The following DENND5A variants were observed in gnomAD, a reference collection of about 807,000 sequenced individuals.
DENND5A encodes the protein DENN domain containing 5A, also known as DENN domain-containing protein 5A.
Under a neutral mutation model 140.3 loss-of-function variants are expected in DENND5A, and 64 were observed. The observed-to-expected ratio is 0.46, with a 90% CI of 0.37 to 0.56. The LOEUF (loss-of-function observed/expected upper bound fraction) is 0.56. DENND5A is among the 20% of genes least tolerant of loss of function. DENND5A has a pLI of 0.00. For missense variants in DENND5A, 1,292 were observed against 1,593.8 expected, an observed-to-expected ratio of 0.81 and a Z score of 3.22; for synonymous variants, 605 against 607.7, an observed-to-expected ratio of 1.00 and a Z score of 0.07.
At position 9,165,132 on chromosome 11, in the gene DENND5A, T is replaced by C. The variant is rs1004007932; in HGVS notation, c.2283+704A>G. ...CTCCTGCCTCAGTCTCCCAAGTAGCTGGGATTACAGGTGCATGCCACCACG... is the reference window on the plus strand; with the variant it reads ...CTCCTGCCTCAGTCTCCCAAGTAGCCGGGATTACAGGTGCATGCCACCACG... On this transcript the variant is annotated intron_variant, in intron 11 of 22. Transcript: ENST00000328194. Among the ~76,000 whole-genome samples the C allele has an allele frequency of 5.3e-5, 8 of 152,044 alleles. No individual in the cohort carries two copies. In the East Asian group the frequency reaches 1.5e-3, roughly 29 times the overall value.
chr11:9,224,372 C>T (rs556851745), intron 1 of DENND5A, among the ~76,000 whole-genome samples: 1 of 152,306 alleles, frequency 6.6e-6, no homozygotes, highest in South Asian at 2.1e-4. Flanking sequence ...GCATATAAGG[C>T]ACCTGCCAAC....
At chr11:9,152,702 T>G (rs1275281722) in intron 12 of DENND5A, among the ~76,000 whole-genome samples, 7 of 151,532 alleles carry the variant, frequency 4.6e-5, no homozygotes, top group African/African-American at 1.7e-4. Context: ...AAGGGACCAG[T>G]GGATAAGAAA....
intron 12 of DENND5A, among the ~76,000 whole-genome samples, chr11:9,153,824 T>G (rs1219761972): frequency 6.6e-6 from 1 of 152,250 alleles, no homozygotes; most frequent in Non-Finnish European, 1.5e-5. Context: ...CCATTTGAGA[T>G]ATGTAGCAAT....
Position 9,180,959 on chromosome 11 carries a change from G to C in DENND5A, c.1263C>G (p.Pro421=). 1 of 1,614,126 alleles carries C rather than the reference G, an allele frequency of 6.2e-7. No individual in the cohort carries two copies. Among genetic ancestry groups the C allele is most frequent in the East Asian group, 2.2e-5 (1 of 44,868 alleles). ...CACTGCAATGAAGATTCCCTTCAGG[G>C]GGAATTCCAAATGCCATGAGAATCT... ...VSEILMAFGI[P]PEGNLHCSES... Residue 421 remains proline, a synonymous_variant, in exon 6 of 23, where the codon CCC becomes CCG. Coordinates refer to ENST00000328194, the MANE Select transcript of DENND5A (RefSeq NM_015213.4).
rs570886509 is a variant in DENND5A, at chr11:9,189,611, T to G, written c.1137+3883A>C. On this transcript the variant is annotated intron_variant, in intron 5 of 22. Coordinates refer to ENST00000328194, the MANE Select transcript of DENND5A (RefSeq NM_015213.4). ...GAACCCACCTCTTTTTTTGTTGCTG[T>G]TGTTTGGTTTTTTTTTTTTGGTTTT... Among the ~76,000 whole-genome samples, 402 of 145,048 alleles carry G rather than the reference T, an allele frequency of 2.8e-3. 1 individual carries two copies. Among genetic ancestry groups the G allele is most frequent in the African/African-American group, 9.8e-3 (390 of 39,906 alleles).
intron 20 of DENND5A, 186 bp downstream of exon 20, chr11:9,143,217 C>T (rs1590202203): frequency 9.1e-6 from 6 of 661,258 alleles, no homozygotes; most frequent in East Asian, 2.6e-5. Context: ...AACAGGGTAA[C>T]CTGAGGCAAA....
At chr11:9,233,398 C>CAAA (rs1001576602) in intron 1 of DENND5A, among the ~76,000 whole-genome samples, 3 of 54,048 alleles carry the variant, frequency 5.6e-5, no homozygotes, top group African/African-American at 1.2e-4. Flanking sequence ...GACTCTGTCT[C>CAAA]AAAAAAAAAA....
At chr11:9,207,115 G>A in intron 2 of DENND5A, 1 of 420,594 alleles carries the variant, frequency 2.4e-6, no homozygotes, top group Non-Finnish European at 4.3e-6. Flanking sequence ...TTTTTTCCCT[G>A]AAAGCCACAT....
intron 4 of DENND5A, among the ~76,000 whole-genome samples, chr11:9,197,911 C>T (rs2136202538): frequency 6.6e-6 from 1 of 152,220 alleles, no homozygotes; most frequent in Admixed American, 6.5e-5. Context: ...TAAAAGACTA[C>T]TTTAGATAGT....
intron 17 of DENND5A, chr11:9,145,388 G>A: frequency 1.7e-6 from 1 of 579,324 alleles, no homozygotes; most frequent in Non-Finnish European, 3.1e-6. Context: ...CAGGTGGGCT[G>A]AGTAGCTGAA....
At position 9,139,556 on chromosome 11, in the gene DENND5A, G is replaced by T; in HGVS notation, c.*115C>A. On this transcript the variant is annotated 3_prime_UTR_variant, in exon 23 of 23. Coordinates refer to ENST00000328194, the MANE Select transcript of DENND5A (RefSeq NM_015213.4). ...AAAATCCTCTAGTTTTCTTTTTACA[G>T]TGAGTGTACATTTTGTCTCCTACTC... 3.4e-6 allele frequency: 3 copies of T among 872,860 alleles called. No homozygotes were observed. The highest frequency in any genetic ancestry group is 3.4e-6 in the Non-Finnish European group (2 of 581,944). The allele number at this position is 872,860 out of a possible 1,614,324, so 54.1% of individuals were successfully genotyped here. A position where few individuals can be genotyped will look rare whatever the true frequency, so the allele number is the denominator to read the frequency against.
At chr11:9,152,325 A>C in intron 13 of DENND5A, 33 bp downstream of exon 13, 1 of 1,452,966 alleles carries the variant, frequency 6.9e-7, no homozygotes, top group Non-Finnish European at 9.7e-7. Flanking sequence ...AAGTGGAGAG[A>C]GGGCAGACTC....
At chr11:9,179,447 CTTGA>C (rs1564899427) in intron 6 of DENND5A, among the ~76,000 whole-genome samples, 2 of 150,982 alleles carry the variant, frequency 1.3e-5, no homozygotes, top group African/African-American at 4.9e-5. Context: ...TTCTGGCTCT[CTTGA>C]TTTTTTATTT....
chr11:9,175,941 C>A (rs977843913), intron 8 of DENND5A, among the ~76,000 whole-genome samples: 1 of 152,150 alleles, frequency 6.6e-6, no homozygotes, highest in Admixed American at 6.5e-5. Flanking sequence ...AAAGTATAAT[C>A]CAACTGATAA....
intron 1 of DENND5A, among the ~76,000 whole-genome samples, chr11:9,224,027 A>C (rs1361666622): frequency 6.6e-6 from 1 of 151,914 alleles, no homozygotes; most frequent in Non-Finnish European, 1.5e-5. Context: ...CCCTGTCTCT[A>C]CTAAAAAAAT....
In DENND5A at chr11:9,227,291, G is replaced by A. The variant is rs145332952; in HGVS notation, c.110-19659C>T. Among the ~76,000 whole-genome samples, 14 of 152,190 alleles carry A rather than the reference G, an allele frequency of 9.2e-5. No homozygotes were observed. In the East Asian group the frequency reaches 1.3e-3, roughly 15 times the overall value. On this transcript the variant is annotated intron_variant, in intron 1 of 22. Coordinates refer to ENST00000328194, the MANE Select transcript of DENND5A (RefSeq NM_015213.4). ...GACCTTATCTACCCCACATTGAGCC[G>A]TTTTGCTACATTATTACATTACGAT...
At chr11:9,200,506 A>G (rs976387992) in intron 4 of DENND5A, among the ~76,000 whole-genome samples, 1 of 152,232 alleles carries the variant, frequency 6.6e-6, no homozygotes, top group African/African-American at 2.4e-5. Context: ...CATTATTGCC[A>G]ATATTTAAAA....
At chr11:9,170,570 T>C (rs1236610576) in intron 9 of DENND5A, 57 bp downstream of exon 9, 38 of 1,600,942 alleles carry the variant, frequency 2.4e-5, no homozygotes, top group Non-Finnish European at 3.2e-5. Flanking sequence ...GCCCAGATAC[T>C]AGATGACCCT....
rs1022805354 is a variant in DENND5A, at chr11:9,157,642, G to T, written c.2436+3071C>A. On this transcript the variant is annotated intron_variant, in intron 12 of 22. Coordinates refer to ENST00000328194, the MANE Select transcript of DENND5A (RefSeq NM_015213.4). The stretch of plus-strand genomic sequence containing the variant: ...GACTATGGTCTCCAGCTGCATCCAT[G>T]TTGCTACAAAGGCCATGATCTAGTT... Among the ~76,000 whole-genome samples, 7 of 152,144 alleles carry T rather than the reference G, an allele frequency of 4.6e-5. 1 individual carries two copies. In the South Asian group the frequency reaches 1.5e-3, roughly 32 times the overall value.
Sources: allele counts gnomAD v4.1 joint callset (sites outside exome capture counted in the v4.1 genomes callset), GRCh38; gene constraint gnomAD v4.1.1; transcripts MANE v1.5; gene names NCBI Gene and HGNC (gene_info 2026-07-23, HGNC 2026-07-21).